Variants in DLG2 observed in about 807,000 individuals in gnomAD.
The protein encoded by DLG2 is discs large MAGUK scaffold protein 2.
In DLG2, 45 loss-of-function variants were observed where a neutral mutation model predicts 132.5. The ratio of observed to expected loss-of-function variants is 0.34; its 90% CI spans 0.27 to 0.44. DLG2 has a LOEUF of 0.44. Among genes scored for constraint, DLG2 ranks in the 20% least tolerant of loss-of-function variants. The pLI is 1.00. For missense variants in DLG2, 1,045 were observed against 1,196.9 expected, an observed-to-expected ratio of 0.87 and a Z score of 1.87; for synonymous variants, 424 against 419.6, an observed-to-expected ratio of 1.01 and a Z score of -0.13.
intron 3 of DLG2, among the ~76,000 whole-genome samples, chr11:85,287,162 A>C (rs1395967219): frequency 6.6e-6 from 1 of 152,128 alleles, no homozygotes; most frequent in Non-Finnish European, 1.5e-5. Flanking sequence ...TAAATTATGC[A>C]TTATATATGT....
At chr11:84,940,978 G>C (rs2049341963) in intron 6 of DLG2, among the ~76,000 whole-genome samples, 1 of 152,156 alleles carries the variant, frequency 6.6e-6, no homozygotes, top group Non-Finnish European at 1.5e-5. Context: ...ATTTATTAAA[G>C]AGACTGTCCT....
intron 8 of DLG2, among the ~76,000 whole-genome samples, chr11:84,171,402 T>C (rs879728104): frequency 6.6e-6 from 1 of 152,114 alleles, no homozygotes; most frequent in Admixed American, 6.5e-5. Flanking sequence ...ATTCCCACCT[T>C]CTCATCCTTC....
chr11:83,696,210 A>C (rs908985881), intron 18 of DLG2, among the ~76,000 whole-genome samples: 65 of 152,180 alleles, frequency 4.3e-4, no homozygotes, highest in African/African-American at 1.5e-3. Flanking sequence ...AGATGGCAGC[A>C]GTGGGAATGT....
intron 19 of DLG2, among the ~76,000 whole-genome samples, chr11:83,559,047 A>G (rs2096567953): frequency 6.6e-6 from 1 of 152,180 alleles, no homozygotes; most frequent in Admixed American, 6.6e-5. Flanking sequence ...ATGAATTCCA[A>G]TCATGGGGAA....
intron 17 of DLG2, among the ~76,000 whole-genome samples, chr11:83,800,275 G>C (rs762195164): frequency 1.1e-4 from 16 of 152,140 alleles, no homozygotes; most frequent in Non-Finnish European, 2.4e-4. Context: ...TATCTAGAAA[G>C]AGAGCCTCAT....
At chr11:84,021,284 T>G (rs1371763532) in intron 11 of DLG2, among the ~76,000 whole-genome samples, 2 of 151,952 alleles carry the variant, frequency 1.3e-5, no homozygotes, top group African/African-American at 4.8e-5. Flanking sequence ...CAAATAAGAA[T>G]CATATCCAGC....
At chr11:85,325,178 G>T (rs1309510461) in intron 3 of DLG2, among the ~76,000 whole-genome samples, 1 of 146,176 alleles carries the variant, frequency 6.8e-6, no homozygotes, top group African/African-American at 2.5e-5. Context: ...ACTGCAAGGC[G>T]GCAACGAGGC....
At chr11:83,930,973 C>T (rs2080084867) in intron 14 of DLG2, among the ~76,000 whole-genome samples, 1 of 152,150 alleles carries the variant, frequency 6.6e-6, no homozygotes, top group African/African-American at 2.4e-5. Flanking sequence ...CAACTCTGGA[C>T]TAGCTACCTT....
chr11:85,479,945 G>T (rs76080826), intron 3 of DLG2, among the ~76,000 whole-genome samples: 3,436 of 152,130 alleles, frequency 0.023, 124 homozygotes, highest in African/African-American at 0.077. Context: ...CCACCCTAAA[G>T]ACCTCATTTT....
intron 16 of DLG2, among the ~76,000 whole-genome samples, chr11:83,844,332 G>A (rs558675772): frequency 1.7e-4 from 25 of 151,272 alleles, no homozygotes; most frequent in Non-Finnish European, 3.5e-4. Flanking sequence ...ATCACTAGAG[G>A]CCAGAAGTTC....
At chr11:84,857,691 T>C (rs1271446109) in intron 6 of DLG2, among the ~76,000 whole-genome samples, 3 of 152,082 alleles carry the variant, frequency 2.0e-5, no homozygotes, top group Non-Finnish European at 4.4e-5. Context: ...TGTCTCCCCA[T>C]CTAATCCAGA....
chr11:83,948,799 A>T (rs2084713512), intron 14 of DLG2, among the ~76,000 whole-genome samples: 1 of 152,166 alleles, frequency 6.6e-6, no homozygotes, highest in Non-Finnish European at 1.5e-5. Context: ...TCATCTGTAA[A>T]GTGGGAATAA....
intron 3 of DLG2, among the ~76,000 whole-genome samples, chr11:85,310,584 G>T (rs1416745219): frequency 6.6e-6 from 1 of 152,116 alleles, no homozygotes; most frequent in Non-Finnish European, 1.5e-5. Context: ...CTGCTAAGGG[G>T]AAGAAAAACT....
chr11:84,055,736 G>A (rs889545133), intron 11 of DLG2, among the ~76,000 whole-genome samples: 2 of 151,892 alleles, frequency 1.3e-5, no homozygotes, highest in African/African-American at 2.4e-5. Context: ...TATTTAATTG[G>A]CACCCCCTTA....
chr11:85,118,417 A>G (rs539499633), intron 5 of DLG2, among the ~76,000 whole-genome samples: 2 of 152,188 alleles, frequency 1.3e-5, no homozygotes, highest in East Asian at 3.9e-4. Flanking sequence ...CTAGTGCATA[A>G]GAGGATTAAA....
At position 83,874,554 on chromosome 11, in the gene DLG2, T is replaced by C. The variant is rs1358337321; in HGVS notation, c.1497-66A>G. On this transcript the variant is annotated intron_variant, in intron 15 of 27. Transcript: ENST00000376104. ...TTTTTATTTTTTTATTTTTTTATTA[T>C]ACTTTAAGTTTTAGGGTACATGTGC... is the stretch of plus-strand genomic sequence containing the variant. 4.6e-6 allele frequency: 6 copies of C among 1,295,338 alleles called. No individual in the cohort carries two copies. In the Admixed American group the frequency reaches 7.1e-5, roughly 15 times the overall value. The allele number at this position is 1,295,338 out of a possible 1,614,324, so 80.2% of individuals were successfully genotyped here. A position where few individuals can be genotyped will look rare whatever the true frequency, so the allele number is the denominator to read the frequency against.
At chr11:85,054,098 C>G (rs558956719) in intron 6 of DLG2, among the ~76,000 whole-genome samples, 7 of 151,774 alleles carry the variant, frequency 4.6e-5, no homozygotes, top group Admixed American at 3.9e-4. Context: ...AACCACATCT[C>G]TAATAAAAAT....
rs1566441569 is a variant in DLG2 at position 84,934,515 on chromosome 11, G to GGTTTTT, written c.357+177145_357+177146insAAAAAC. 3.9e-4 allele frequency among the ~76,000 whole-genome samples: 16 copies of GGTTTTT among 40,508 alleles called. 1 individual carries two copies. Among genetic ancestry groups the GGTTTTT allele is most frequent in the South Asian group, 9.3e-4 (1 of 1,080 alleles). The allele number at this position is 40,508 out of a possible 152,430, so 26.6% of individuals were successfully genotyped here. ...GTATGGTCCTGGGTGTTTTTTTTTTGTTTTGTTTTGTTTTTTTTTTTTTTT... is the reference window on the plus strand; with the variant it reads ...GTATGGTCCTGGGTGTTTTTTTTTTGGTTTTTTTTTGTTTTGTTTTTTTTTTTTTTT... On this transcript the variant is annotated intron_variant, in intron 6 of 27. Transcript: ENST00000376104.
intron 7 of DLG2, among the ~76,000 whole-genome samples, chr11:84,308,202 T>C (rs1005635926): frequency 1.3e-5 from 2 of 152,074 alleles, no homozygotes; most frequent in Non-Finnish European, 2.9e-5. Flanking sequence ...AGGGGGCTGA[T>C]TGGTGCGTTT....
Sources: allele counts gnomAD v4.1 joint callset (sites outside exome capture counted in the v4.1 genomes callset), GRCh38; gene constraint gnomAD v4.1.1; transcripts MANE v1.5; gene names NCBI Gene and HGNC (gene_info 2026-07-23, HGNC 2026-07-21).